Variants in HTRA1 observed in about 807,000 individuals in gnomAD.
The protein encoded by HTRA1 is serine protease HTRA1.
In HTRA1, 26 loss-of-function variants were observed where a neutral mutation model predicts 49.7. The observed-to-expected ratio is 0.52, with a 90% CI of 0.38 to 0.73. HTRA1 has a LOEUF of 0.73. HTRA1 is among the 30% of genes least tolerant of loss of function. The probability of loss-of-function intolerance (pLI) is 0.00; values close to 1 mark genes in which losing one functional copy is unlikely to be tolerated. For synonymous variants in HTRA1, 291 were observed against 286.9 expected (o/e 1.01, Z -0.14); for missense variants, 561 against 667.2 (o/e 0.84, Z 1.75).
At chr10:122,462,746 T>A (rs969080746) in intron 1 of HTRA1, among the ~76,000 whole-genome samples, 3 of 152,252 alleles carry the variant, frequency 2.0e-5, no homozygotes, top group African/African-American at 7.2e-5. Context: ...CTTGCTTTCC[T>A]CGTTTTGAGC....
intron 1 of HTRA1, among the ~76,000 whole-genome samples, chr10:122,466,435 G>A (rs1039669597): frequency 6.6e-6 from 1 of 152,150 alleles, no homozygotes; most frequent in African/African-American, 2.4e-5. Context: ...CCAAAGTGCT[G>A]GGATTACAGG....
chr10:122,506,227 G>T lies in HTRA1; in HGVS notation c.778-464G>T, dbSNP rs1332072254. Among the ~76,000 whole-genome samples, 1 of 152,166 alleles carries T rather than the reference G, an allele frequency of 6.6e-6. No individual in the cohort carries two copies. Among genetic ancestry groups the T allele is most frequent in the Non-Finnish European group, 1.5e-5 (1 of 68,042 alleles). ...ATATTCCAGGCCTCAGGACGGATGT[G>T]CACATGATGAGTCGGGGCAGGTTTC... On this transcript the variant is annotated intron_variant, in intron 3 of 8. Coordinates refer to ENST00000368984, the MANE Select transcript of HTRA1 (RefSeq NM_002775.5). This position sits in a 1 kb window ranked among gnomAD's most constrained non-coding sequence, Gnocchi z 5.2.
chr10:122,505,052 G>A (rs1481625835), intron 3 of HTRA1, among the ~76,000 whole-genome samples: 1 of 152,250 alleles, frequency 6.6e-6, no homozygotes, highest in African/African-American at 2.4e-5. Flanking sequence ...CCAACACCTA[G>A]ATGGTGCTTA....
Position 122,461,638 on chromosome 10 carries a change from G to A in HTRA1, c.-15G>A, listed in dbSNP as rs1427853369. On this transcript the variant is annotated 5_prime_UTR_variant, in exon 1 of 9. Transcript: ENST00000368984. The stretch of plus-strand genomic sequence containing the variant: ...CGCCCTGTCCGCCGCCACCGCCGCC[G>A]CCGCCAGAGTCGCCATGCAGATCCC... 4 of 1,298,010 alleles carry A rather than the reference G, an allele frequency of 3.1e-6. No homozygotes were observed. Among genetic ancestry groups the A allele is most frequent in the South Asian group, 2.7e-5 (2 of 73,390 alleles). The allele number at this position is 1,298,010 out of a possible 1,614,324, so 80.4% of individuals were successfully genotyped here.
At chr10:122,509,944 G>A (rs2097504840) in intron 6 of HTRA1, 152 bp from the exon 7 acceptor site, 1 of 714,028 alleles carries the variant, frequency 1.4e-6, no homozygotes, top group Admixed American at 2.0e-5. Flanking sequence ...CCCCCAGAGG[G>A]GAGGGGTCCA....
At chr10:122,497,881 G>T (rs1249214166) in intron 3 of HTRA1, among the ~76,000 whole-genome samples, 1 of 152,196 alleles carries the variant, frequency 6.6e-6, no homozygotes, top group African/African-American at 2.4e-5. Flanking sequence ...TGCATCAAAG[G>T]CGCTGATGTA....
chr10:122,476,696 A>T (rs999169369), intron 1 of HTRA1, among the ~76,000 whole-genome samples: 1 of 151,348 alleles, frequency 6.6e-6, no homozygotes, highest in Non-Finnish European at 1.5e-5. Flanking sequence ...CCCATCAGAA[A>T]TGCAGGTGGG....
At chr10:122,504,936 G>C (rs2097502427) in intron 3 of HTRA1, among the ~76,000 whole-genome samples, 1 of 152,242 alleles carries the variant, frequency 6.6e-6, no homozygotes, top group Non-Finnish European at 1.5e-5. Flanking sequence ...GTCACCCACT[G>C]TCAGGGCAGA....
chr10:122,461,604 T>G lies in HTRA1; in HGVS notation c.-49T>G. Reference sequence around the variant, plus strand: ...TCCTGCACTCTCCCCGGCGCCGCTCTCCGGCCCTCGCCCTGTCCGCCGCCA... The same window carrying G: ...TCCTGCACTCTCCCCGGCGCCGCTCGCCGGCCCTCGCCCTGTCCGCCGCCA... On this transcript the variant is annotated 5_prime_UTR_variant, in exon 1 of 9. Transcript: ENST00000368984. 1.7e-6 allele frequency: 2 copies of G among 1,195,432 alleles called. No individual in the cohort carries two copies. The highest frequency in any genetic ancestry group is 1.1e-4 in the East Asian group (2 of 18,474). 74.1% of individuals were successfully genotyped at this position (1,195,432 alleles called of 1,614,324 possible).
chr10:122,496,517 T>C (rs1344034518), intron 3 of HTRA1, among the ~76,000 whole-genome samples: 1 of 152,026 alleles, frequency 6.6e-6, no homozygotes, highest in East Asian at 1.9e-4. Context: ...GATGCAGCAA[T>C]AGTGGGCAAA....
At chr10:122,496,504 G>A (rs920493343) in intron 3 of HTRA1, among the ~76,000 whole-genome samples, 3 of 151,934 alleles carry the variant, frequency 2.0e-5, no homozygotes, top group Non-Finnish European at 4.4e-5. Flanking sequence ...CTTAGGTGCT[G>A]AGGATGCAGC....
intron 4 of HTRA1, 136 bp downstream of exon 4, chr10:122,507,021 T>C (rs1291446047): frequency 3.7e-6 from 3 of 818,606 alleles, no homozygotes; most frequent in Non-Finnish European, 6.0e-6. Context: ...ATGTGGATTC[T>C]AGTGCCAGCA....
In HTRA1 at chr10:122,461,608, G is replaced by A; in HGVS notation, c.-45G>A. 8.3e-7 allele frequency: 1 copy of A among 1,209,536 alleles called. No individual in the cohort carries two copies. Among genetic ancestry groups the A allele is most frequent in the Non-Finnish European group, 1.1e-6 (1 of 929,170 alleles). 74.9% of individuals were successfully genotyped at this position (1,209,536 alleles called of 1,614,324 possible). A position where few individuals can be genotyped will look rare whatever the true frequency, so the allele number is the denominator to read the frequency against. On this transcript the variant is annotated 5_prime_UTR_variant, in exon 1 of 9. Transcript: ENST00000368984. ...GCACTCTCCCCGGCGCCGCTCTCCG[G>A]CCCTCGCCCTGTCCGCCGCCACCGC... is the stretch of plus-strand genomic sequence containing the variant.
At chr10:122,505,305 C>T (rs915285776) in intron 3 of HTRA1, among the ~76,000 whole-genome samples, 1 of 152,170 alleles carries the variant, frequency 6.6e-6, no homozygotes, top group African/African-American at 2.4e-5. Flanking sequence ...TCCTCCTCCT[C>T]AGTCTCGTAT....
Position 122,514,329 on chromosome 10 carries a change from C to T in HTRA1, c.1413C>T (p.Ile471=), listed in dbSNP as rs1233591873. ...GCAGGGGTAATGAAGATATCATGAT[C>T]ACAGTGATTCCCGAAGAAATTGACC... The part of the protein sequence containing the change: ...VVRRGNEDIM[I]TVIPEEIDP Residue 471 remains isoleucine (I), a synonymous_variant, in exon 9 of 9, where the codon ATC becomes ATT. Coordinates refer to ENST00000368984, the MANE Select transcript of HTRA1 (RefSeq NM_002775.5). The T allele has an allele frequency of 7.4e-6, 12 of 1,614,002 alleles. No individual in the cohort carries two copies. The highest frequency in any genetic ancestry group is 1.6e-4 in the Middle Eastern group (1 of 6,082).
intron 7 of HTRA1, 99 bp downstream of exon 7, chr10:122,510,252 T>A (rs570611361): frequency 2.2e-6 from 2 of 913,590 alleles, no homozygotes; most frequent in Non-Finnish European, 3.6e-6. Flanking sequence ...TTATGCTGCC[T>A]TAAGACGTCT....
chr10:122,489,599 C>T lies in HTRA1; in HGVS notation c.750C>T (p.Asp250=), dbSNP rs749163498. 2 of 1,613,910 alleles carry T rather than the reference C, an allele frequency of 1.2e-6. No individual in the cohort carries two copies. Among genetic ancestry groups the T allele is most frequent in the Non-Finnish European group, 8.5e-7 (1 of 1,179,968 alleles). ...TCAAGGATGTGGATGAGAAAGCAGA[C>T]ATCGCACTCATCAAAATTGACCACC... The part of the protein sequence containing the change: ...AKIKDVDEKA[D]IALIKIDHQG... Residue 250 remains aspartate (D), a synonymous_variant, in exon 3 of 9, where the codon GAC becomes GAT. Coordinates refer to ENST00000368984, the MANE Select transcript of HTRA1 (RefSeq NM_002775.5).
chr10:122,492,731 A>T (rs771148050), intron 3 of HTRA1, among the ~76,000 whole-genome samples: 1 of 152,100 alleles, frequency 6.6e-6, no homozygotes, highest in Non-Finnish European at 1.5e-5. Flanking sequence ...CTTTTCTGGC[A>T]GCAACAGCCG....
intron 1 of HTRA1, among the ~76,000 whole-genome samples, chr10:122,478,613 C>T (rs1001761187): frequency 2.0e-5 from 3 of 152,164 alleles, no homozygotes; most frequent in East Asian, 1.9e-4. Context: ...AGGATGGTCT[C>T]GATTTCCTGA....
Sources: gnomAD v4.1 joint callset for allele counts (sites outside exome capture counted in the v4.1 genomes callset) on GRCh38, gnomAD v4.1.1 for gene constraint, Gnocchi (gnomAD v3.1) non-coding constraint, MANE v1.5 for transcripts, NCBI Gene and HGNC (gene_info 2026-07-23, HGNC 2026-07-21) for gene names.